The following DMTN variants were observed in gnomAD, a reference collection of about 807,000 sequenced individuals.
DMTN encodes the protein dematin.
A neutral mutation model predicts 59.4 loss-of-function variants in DMTN; 27 were observed. The observed-to-expected ratio is 0.45, with a 90% CI of 0.33 to 0.63. DMTN has a LOEUF of 0.63. DMTN is among the 20% of genes least tolerant of loss of function. DMTN has a pLI of 0.02. For missense variants in DMTN, 451 were observed against 528.9 expected (o/e 0.85, Z 1.45); for synonymous variants, 221 against 203.7 (o/e 1.08, Z -0.72).
chr8:22,050,172 G>C (rs1283693911), upstream of DMTN, among the ~76,000 whole-genome samples: 4 of 152,190 alleles, frequency 2.6e-5, no homozygotes, highest in Non-Finnish European at 5.9e-5. Context: ...GATGTGTGTC[G>C]GGAGGGTGGT....
chr8:22,068,097 G>A (rs1409673898), intron 4 of DMTN, among the ~76,000 whole-genome samples: 1 of 152,218 alleles, frequency 6.6e-6, no homozygotes, highest in Non-Finnish European at 1.5e-5. Flanking sequence ...AGGAGACAGT[G>A]CAAGGCAGGT....
chr8:22,062,716 C>T lies in DMTN; in HGVS notation c.-171-3989C>T, dbSNP rs77582869. ...CACGAGGCCACTATGGCCTGACATT[C>T]GAGCTGGAGGAAAAGCACTTCTCCT... On this transcript the variant is annotated intron_variant, in intron 1 of 15. Transcript: ENST00000358242. 2.8e-3 allele frequency among the ~76,000 whole-genome samples: 428 copies of T among 151,660 alleles called. 3 individuals are homozygous for T. Among genetic ancestry groups the T allele is most frequent in the African/African-American group, 9.5e-3 (394 of 41,276 alleles).
At chr8:22,066,233 G>A (rs1197738980) in intron 1 of DMTN, among the ~76,000 whole-genome samples, 3 of 152,216 alleles carry the variant, frequency 2.0e-5, no homozygotes, top group African/African-American at 7.2e-5. Flanking sequence ...CGTCATGGTA[G>A]GCACTCACAA....
intron 14 of DMTN, 84 bp downstream of exon 14, chr8:22,080,954 C>T: frequency 1.3e-6 from 2 of 1,508,866 alleles, no homozygotes; most frequent in South Asian, 1.3e-5. Context: ...GCGGGGTCTT[C>T]CTGGTGTTGA....
In DMTN at chr8:22,058,920, C is replaced by T. The variant is rs546464255; in HGVS notation, c.-172+1784C>T. Among the ~76,000 whole-genome samples, 16 of 152,162 alleles carry T rather than the reference C, an allele frequency of 1.1e-4. No homozygotes were observed. In the South Asian group the frequency reaches 2.5e-3, roughly 24 times the overall value. Reference sequence around the variant, plus strand: ...GCCTCCTGGTGTCCTTTTCCAGTGGCGGGGGGGTGCGGGGAGCAAGGTGCC... The same window carrying T: ...GCCTCCTGGTGTCCTTTTCCAGTGGTGGGGGGGTGCGGGGAGCAAGGTGCC... On this transcript the variant is annotated intron_variant, in intron 1 of 15. Transcript: ENST00000358242. The surrounding 1 kb of genome is among the most constrained non-coding windows in gnomAD (Gnocchi z 4.3).
chr8:22,050,765 C>G (rs1026838646), upstream of DMTN, among the ~76,000 whole-genome samples: 2 of 146,942 alleles, frequency 1.4e-5, no homozygotes, highest in Non-Finnish European at 1.5e-5. Flanking sequence ...CTCTGGGTCT[C>G]TGGGTCCCTG....
At chr8:22,073,684 T>C in intron 9 of DMTN, 46 bp from the exon 10 acceptor site, 2 of 1,045,718 alleles carry the variant, frequency 1.9e-6, no homozygotes, top group Non-Finnish European at 2.9e-6. Flanking sequence ...AAAAGAAACA[T>C]TCAAGTGTCT....
intron 1 of DMTN, 21 bp from the exon 2 acceptor site, chr8:22,066,684 C>T (rs142770767): frequency 0.029 from 15,011 of 514,220 alleles, 269 homozygotes; most frequent in Middle Eastern, 0.043. Context: ...CCGGCGCGGC[C>T]TCCCTCCCTT....
At chr8:22,053,428 C>T (rs1233207829), upstream of DMTN, 1 of 152,322 alleles carries the variant, frequency 6.6e-6, no homozygotes, top group South Asian at 2.1e-4. Flanking sequence ...AGGTCTCTGT[C>T]ACCCTTTCCT....
In DMTN at chr8:22,082,154, A is replaced by T. The variant is rs1298784312; in HGVS notation, c.*691A>T. ...GCCACGAAATGGGAATTCCAGCACTAAGCCAGGCACCGGGCAGAAGCTGGG... is the reference window on the plus strand; with the variant it reads ...GCCACGAAATGGGAATTCCAGCACTTAGCCAGGCACCGGGCAGAAGCTGGG... On this transcript the variant is annotated 3_prime_UTR_variant, in exon 16 of 16. Transcript: ENST00000358242. 4.4e-6 allele frequency: 2 copies of T among 456,558 alleles called. No homozygotes were observed. Among genetic ancestry groups the T allele is most frequent in the African/African-American group, 4.0e-5 (2 of 50,066 alleles). The allele number at this position is 456,558 out of a possible 1,614,324, so 28.3% of individuals were successfully genotyped here.
At chr8:22,050,600 T>C (rs912176696), upstream of DMTN, among the ~76,000 whole-genome samples, 3 of 144,778 alleles carry the variant, frequency 2.1e-5, no homozygotes, top group Non-Finnish European at 4.5e-5. Flanking sequence ...AAGCCCTCAC[T>C]GTTTTCTTTC....
chr8:22,072,313 T>A lies in DMTN; in HGVS notation c.605-13T>A, dbSNP rs890137282. 1.9e-6 allele frequency: 3 copies of A among 1,592,448 alleles called. No individual in the cohort carries two copies. The highest frequency in any genetic ancestry group is 2.6e-6 in the Non-Finnish European group (3 of 1,169,078). ...CGAGTGACTCCCTCCCCACCTTTGC[T>A]TGTGTCTCCTAGAGACAGAATGGAG... On this transcript the variant is annotated splice_polypyrimidine_tract_variant and intron_variant, in intron 8 of 15. Coordinates refer to ENST00000358242, the MANE Select transcript of DMTN (RefSeq NM_001387751.1).
chr8:22,074,831 C>T (rs1481516690), intron 10 of DMTN, among the ~76,000 whole-genome samples: 2 of 152,114 alleles, frequency 1.3e-5, no homozygotes, highest in Non-Finnish European at 2.9e-5. Flanking sequence ...TTCCTCAGAG[C>T]TTGGCGGCTG....
chr8:22,067,053 T>G, intron 2 of DMTN, 32 bp from the exon 3 acceptor site: 1 of 1,529,032 alleles, frequency 6.5e-7, no homozygotes, highest in Non-Finnish European at 8.9e-7. Context: ...CACACGCACG[T>G]GCCCACCCGC....
At position 22,069,361 on chromosome 8, in the gene DMTN, T is replaced by C. The variant is rs972899987; in HGVS notation, c.295-58T>C. 6.1e-5 allele frequency: 87 copies of C among 1,420,766 alleles called. No individual in the cohort carries two copies. In the African/African-American group the frequency reaches 1.1e-3, roughly 18 times the overall value. 88.0% of individuals were successfully genotyped at this position (1,420,766 alleles called of 1,614,324 possible). A position where few individuals can be genotyped will look rare whatever the true frequency, so the allele number is the denominator to read the frequency against. ...GAGAGGGTGGTGTGAGCTGATGGGG[T>C]GCATGTGTGGGTTGGAGGGGGTTAG... is the stretch of plus-strand genomic sequence containing the variant. On this transcript the variant is annotated intron_variant, in intron 5 of 15. Coordinates refer to ENST00000358242, the MANE Select transcript of DMTN (RefSeq NM_001387751.1).
chr8:22,049,157 C>T (rs1278089996), upstream of DMTN: 1 of 148,618 alleles, frequency 6.7e-6, no homozygotes, highest in African/African-American at 2.5e-5. Context: ...CCCTGCGGAG[C>T]CCGGCGGAGC....
At chr8:22,078,762 T>G (rs7386325) in intron 10 of DMTN, among the ~76,000 whole-genome samples, 140,801 of 147,196 alleles carry the variant, frequency 0.96, 67,390 homozygotes, top group East Asian at 0.99. Context: ...TGACAGTGCT[T>G]AGAACATGAC....
chr8:22,076,731 AT>A (rs1170866236), intron 10 of DMTN, among the ~76,000 whole-genome samples: 1 of 151,368 alleles, frequency 6.6e-6, no homozygotes, highest in Non-Finnish European at 1.5e-5. Context: ...TGGGTGTCCT[AT>A]TTTTTCTTTT....
intron 14 of DMTN, 26 bp from the exon 15 acceptor site, chr8:22,081,087 A>G: frequency 4.5e-5 from 56 of 1,250,740 alleles, no homozygotes; most frequent in Non-Finnish European, 6.1e-5. Flanking sequence ...CTGTGAGCCT[A>G]AGATTGCCCC....
Sources: allele counts gnomAD v4.1 joint callset (sites outside exome capture counted in the v4.1 genomes callset), GRCh38; gene constraint gnomAD v4.1.1; non-coding constraint Gnocchi (gnomAD v3.1); transcripts MANE v1.5; gene names NCBI Gene and HGNC (gene_info 2026-07-23, HGNC 2026-07-21).